TMEM108: variants seen among roughly 807,000 people sequenced by gnomAD.
TMEM108 encodes transmembrane protein 108.
Under a neutral mutation model 35.1 loss-of-function variants are expected in TMEM108, and 12 were observed. The observed-to-expected ratio is 0.34, with a 90% CI of 0.22 to 0.55. TMEM108 has a LOEUF of 0.55. Among genes scored for constraint, TMEM108 ranks in the 20% least tolerant of loss-of-function variants. TMEM108 has a pLI of 0.89. For missense variants in TMEM108, 680 were observed against 753.3 expected (o/e 0.90, Z 1.14); for synonymous variants, 287 against 308.6 (o/e 0.93, Z 0.73).
chr3:133,383,705 G>A (rs182301595), intron 4 of TMEM108, among the ~76,000 whole-genome samples: 1 of 152,318 alleles, frequency 6.6e-6, no homozygotes, highest in South Asian at 2.1e-4. Flanking sequence ...ACACAGCCTG[G>A]GACTGTCCCT....
chr3:133,085,373 C>G (rs879662198), intron 2 of TMEM108, among the ~76,000 whole-genome samples: 4 of 151,856 alleles, frequency 2.6e-5, no homozygotes, highest in Non-Finnish European at 5.9e-5. Context: ...GGTGCTTATT[C>G]ACTTTATTTT....
chr3:133,050,239 C>T (rs1361008229), intron 2 of TMEM108, among the ~76,000 whole-genome samples: 2 of 152,104 alleles, frequency 1.3e-5, no homozygotes, highest in Non-Finnish European at 2.9e-5. Context: ...TGGACTTGAT[C>T]CCTGAATAGT....
chr3:133,159,724 C>T (rs1354762881), intron 2 of TMEM108, among the ~76,000 whole-genome samples: 1 of 152,222 alleles, frequency 6.6e-6, no homozygotes, highest in Non-Finnish European at 1.5e-5. Flanking sequence ...ATGACTTATG[C>T]AAGGTCACAC....
intron 2 of TMEM108, among the ~76,000 whole-genome samples, chr3:133,200,962 G>C (rs1945654872): frequency 6.6e-6 from 1 of 152,162 alleles, no homozygotes; most frequent in Non-Finnish European, 1.5e-5. Context: ...TATCATCACA[G>C]AAAATTCGCT....
intron 3 of TMEM108, among the ~76,000 whole-genome samples, chr3:133,302,411 CTTTCTTTTTTTT>C (rs1947239958): frequency 9.4e-6 from 1 of 106,444 alleles, no homozygotes; most frequent in Non-Finnish European, 2.0e-5. Flanking sequence ...CTTTTTCTTT[CTTTCTTTTTTTT>C]TTTTTTTTTT....
intron 3 of TMEM108, among the ~76,000 whole-genome samples, chr3:133,350,194 A>G (rs887515724): frequency 6.6e-5 from 10 of 152,122 alleles, no homozygotes; most frequent in African/African-American, 2.4e-4. Context: ...ATACTACATG[A>G]TCTCACCACT....
At chr3:133,131,954 G>A (rs1412794633) in intron 2 of TMEM108, among the ~76,000 whole-genome samples, 1 of 152,080 alleles carries the variant, frequency 6.6e-6, no homozygotes, top group African/African-American at 2.4e-5. Context: ...GATTAAATCA[G>A]TCACAACATT....
intron 2 of TMEM108, among the ~76,000 whole-genome samples, chr3:133,113,175 G>T (rs1028693324): frequency 6.6e-6 from 1 of 152,146 alleles, no homozygotes; most frequent in Non-Finnish European, 1.5e-5. Flanking sequence ...AATGTGAATG[G>T]ATGGGTGGCT....
At chr3:133,194,827 T>C (rs918545671) in intron 2 of TMEM108, among the ~76,000 whole-genome samples, 1 of 152,160 alleles carries the variant, frequency 6.6e-6, no homozygotes, top group African/African-American at 2.4e-5. Context: ...ATGTAAAAAT[T>C]TTAAATACAG....
intron 3 of TMEM108, among the ~76,000 whole-genome samples, chr3:133,367,160 C>A (rs1180149008): frequency 1.3e-5 from 2 of 152,208 alleles, no homozygotes; most frequent in African/African-American, 4.8e-5. Flanking sequence ...ATCTCCAGAT[C>A]GGCCACTTCC....
intron 3 of TMEM108, among the ~76,000 whole-genome samples, chr3:133,371,110 C>T (rs889035667): frequency 3.3e-5 from 5 of 152,164 alleles, no homozygotes; most frequent in Admixed American, 2.6e-4. Context: ...CGTTGAGCTC[C>T]AGCACTTAAA....
chr3:133,044,937 T>C (rs976603681), intron 1 of TMEM108, among the ~76,000 whole-genome samples: 8 of 151,608 alleles, frequency 5.3e-5, no homozygotes, highest in African/African-American at 1.9e-4. Context: ...AGACCCTGTC[T>C]CTTAAAAAAA....
At chr3:133,070,806 TC>T (rs1943667458) in intron 2 of TMEM108, among the ~76,000 whole-genome samples, 2 of 151,842 alleles carry the variant, frequency 1.3e-5, no homozygotes, top group Non-Finnish European at 2.9e-5. Flanking sequence ...TGTTTAACAG[TC>T]TCTTGTCGTT....
chr3:133,272,155 A>G (rs1366413553), intron 3 of TMEM108, among the ~76,000 whole-genome samples: 1 of 152,068 alleles, frequency 6.6e-6, no homozygotes, highest in Non-Finnish European at 1.5e-5. Context: ...ATTCCCTCCC[A>G]TAAGACTTTT....
intron 2 of TMEM108, among the ~76,000 whole-genome samples, chr3:133,128,896 C>T (rs17361541): frequency 1.3e-5 from 2 of 152,164 alleles, no homozygotes; most frequent in East Asian, 3.9e-4. Flanking sequence ...GTCTGTTCTT[C>T]CCATAATGTC....
intron 3 of TMEM108, among the ~76,000 whole-genome samples, chr3:133,312,796 C>A (rs756348576): frequency 6.6e-6 from 1 of 152,212 alleles, no homozygotes; most frequent in South Asian, 2.1e-4. Flanking sequence ...GCAGAAATCA[C>A]CCATCTTCTG....
chr3:133,088,513 T>G (rs1943910279), intron 2 of TMEM108, among the ~76,000 whole-genome samples: 1 of 152,196 alleles, frequency 6.6e-6, no homozygotes, highest in Non-Finnish European at 1.5e-5. Flanking sequence ...GGCTGGCTTT[T>G]TGAGTAGCAA....
At chr3:133,245,082 A>T (rs573553071) in intron 3 of TMEM108, among the ~76,000 whole-genome samples, 1 of 152,176 alleles carries the variant, frequency 6.6e-6, no homozygotes, top group Admixed American at 6.5e-5. Flanking sequence ...CAGGACTTTT[A>T]TTCCCTAGAA....
chr3:133,350,402 A>G (rs1390808799), intron 3 of TMEM108, among the ~76,000 whole-genome samples: 2 of 152,058 alleles, frequency 1.3e-5, no homozygotes, highest in African/African-American at 2.4e-5. Context: ...AACATTGTGT[A>G]TTACTAAATA....
Sources: gnomAD v4.1 joint callset for allele counts (sites outside exome capture counted in the v4.1 genomes callset) on GRCh38, gnomAD v4.1.1 for gene constraint, MANE v1.5 for transcripts, NCBI Gene and HGNC (gene_info 2026-07-23, HGNC 2026-07-21) for gene names.